Variants in PEDS1 observed in about 807,000 individuals in gnomAD.
PEDS1 encodes the protein plasmanylethanolamine desaturase 1, also known as CarF homolog.
PEDS1 carries 14 observed loss-of-function variants against 35.2 expected under a neutral mutation model. The ratio of observed to expected loss-of-function variants is 0.40; its 90% CI spans 0.26 to 0.62. PEDS1 has a LOEUF of 0.62. PEDS1 is among the 20% of genes least tolerant of loss of function. The pLI is 0.44. For synonymous variants in PEDS1, 152 were observed against 152.0 expected (o/e 1.00, Z 0.00); for missense variants, 260 against 367.8 (o/e 0.71, Z 2.40).
chr20:50,118,669 G>A lies in PEDS1; in HGVS notation c.*6389C>T, dbSNP rs2147257647. 1.3e-5 allele frequency: 2 copies of A among 151,940 alleles called. 1 individual carries two copies. The highest frequency in any genetic ancestry group is 4.2e-4 in the South Asian group (2 of 4,798). 9.4% of individuals were successfully genotyped at this position (151,940 alleles called of 1,614,324 possible). A position where few individuals can be genotyped will look rare whatever the true frequency, so the allele number is the denominator to read the frequency against. On this transcript the variant is annotated 3_prime_UTR_variant, in exon 6 of 6. Transcript: ENST00000371652. ...GAGTCTCGCTGTGTCGCCCAGGCTG[G>A]AGTTCAGTGGCGCGATCTCAGTTCA... is the stretch of plus-strand genomic sequence containing the variant.
At chr20:50,145,762 C>T (rs1241700836) in intron 1 of PEDS1, among the ~76,000 whole-genome samples, 1 of 152,104 alleles carries the variant, frequency 6.6e-6, no homozygotes, top group Admixed American at 6.5e-5. Context: ...AGGGTATGCC[C>T]CAGGCAGCTG....
chr20:50,125,314 C>A, intron 5 of PEDS1, 135 bp from the exon 6 acceptor site: 1 of 1,227,380 alleles, frequency 8.1e-7, no homozygotes, highest in Non-Finnish European at 1.1e-6. Flanking sequence ...AGGGACCGGC[C>A]AAGGAACTGG....
intron 1 of PEDS1, among the ~76,000 whole-genome samples, chr20:50,144,810 T>TA (rs559758433): frequency 1.8e-4 from 28 of 151,738 alleles, no homozygotes; most frequent in South Asian, 4.2e-4. Flanking sequence ...CCATTTATGT[T>TA]AAAAAAAAAT....
rs117631923 is a variant in PEDS1, at chr20:50,129,781, C to A, written c.334-91G>T. Reference sequence around the variant, plus strand: ...CTAAACACATTCACCCTGGGCTCACCTCCCGCCTTTGATCCTAAGTTTCCT... The same window carrying A: ...CTAAACACATTCACCCTGGGCTCACATCCCGCCTTTGATCCTAAGTTTCCT... On this transcript the variant is annotated intron_variant, in intron 3 of 5. Coordinates refer to ENST00000371652, the MANE Select transcript of PEDS1 (RefSeq NM_199129.4). This position sits in a 1 kb window ranked among gnomAD's most constrained non-coding sequence, Gnocchi z 4.2. 6 of 1,542,924 alleles carry A rather than the reference C, an allele frequency of 3.9e-6. No individual in the cohort carries two copies. The East Asian group carries it at 1.1e-4, about 29-fold the overall frequency.
intron 5 of PEDS1, among the ~76,000 whole-genome samples, 178 bp downstream of exon 5, chr20:50,127,797 C>A (rs1282152978): frequency 6.6e-6 from 1 of 152,208 alleles, no homozygotes; most frequent in Non-Finnish European, 1.5e-5. Flanking sequence ...ACTGTGTCCT[C>A]AGCACCTAGA....
At chr20:50,126,030 C>G (rs899729925) in intron 5 of PEDS1, among the ~76,000 whole-genome samples, 4 of 152,104 alleles carry the variant, frequency 2.6e-5, no homozygotes, top group African/African-American at 9.7e-5. Flanking sequence ...AGGCCACCCT[C>G]TTTCATTTCT....
chr20:50,125,523 C>T lies in PEDS1; in HGVS notation c.692-344G>A, dbSNP rs576998060. 9.9e-5 allele frequency among the ~76,000 whole-genome samples: 15 copies of T among 151,976 alleles called. No homozygotes were observed. The East Asian group carries it at 2.9e-3, about 29-fold the overall frequency. On this transcript the variant is annotated intron_variant, in intron 5 of 5. Coordinates refer to ENST00000371652, the MANE Select transcript of PEDS1 (RefSeq NM_199129.4). ...CCTGATCATCCACTTAAGCAGCACC[C>T]CAGGTTTCTCACATTACCCTTTATC...
intron 2 of PEDS1, among the ~76,000 whole-genome samples, chr20:50,135,084 C>T (rs2081219985): frequency 6.6e-6 from 1 of 152,140 alleles, no homozygotes; most frequent in Non-Finnish European, 1.5e-5. Context: ...ACTCAGGAGG[C>T]TGAGGCAGGA....
At chr20:50,147,037 C>T (rs1030859571) in intron 1 of PEDS1, among the ~76,000 whole-genome samples, 2 of 152,124 alleles carry the variant, frequency 1.3e-5, no homozygotes, top group African/African-American at 4.8e-5. Context: ...AACAAGTGAA[C>T]CTTCCCGATC....
At chr20:50,141,912 T>G (rs1180997542) in intron 2 of PEDS1, among the ~76,000 whole-genome samples, 1 of 152,160 alleles carries the variant, frequency 6.6e-6, no homozygotes, top group Non-Finnish European at 1.5e-5. Flanking sequence ...CTAGAACGCT[T>G]TTAATGAGAT....
At chr20:50,151,068 C>T in intron 1 of PEDS1, 1 of 373,114 alleles carries the variant, frequency 2.7e-6, no homozygotes, top group Non-Finnish European at 5.2e-6. Flanking sequence ...CATAGGTGTT[C>T]AATATGCACT....
chr20:50,151,388 G>T, intron 1 of PEDS1: 2 of 942,938 alleles, frequency 2.1e-6, no homozygotes, highest in Non-Finnish European at 1.5e-6. Context: ...CCCTGGGGAG[G>T]CTCAGAATGC....
intron 5 of PEDS1, among the ~76,000 whole-genome samples, chr20:50,126,167 T>C (rs2081101238): frequency 6.6e-6 from 1 of 152,254 alleles, no homozygotes; most frequent in African/African-American, 2.4e-5. Context: ...GTTCTTTCAC[T>C]GCTGATCCTC....
chr20:50,140,523 C>T (rs1350269542), intron 2 of PEDS1, among the ~76,000 whole-genome samples: 2 of 152,234 alleles, frequency 1.3e-5, no homozygotes, highest in Admixed American at 6.5e-5. Context: ...ACACGAGGCA[C>T]GTGCCAACCT....
At chr20:50,141,721 G>A (rs2081293415) in intron 2 of PEDS1, among the ~76,000 whole-genome samples, 1 of 152,224 alleles carries the variant, frequency 6.6e-6, no homozygotes, top group South Asian at 2.1e-4. Context: ...GGCTGGGGGT[G>A]CAGGTCTCTC....
intron 2 of PEDS1, among the ~76,000 whole-genome samples, chr20:50,141,015 A>G (rs1054393862): frequency 1.2e-4 from 18 of 152,122 alleles, no homozygotes; most frequent in African/African-American, 3.9e-4. Flanking sequence ...GGAAGATCAG[A>G]TCCCAACCAG....
intron 1 of PEDS1, among the ~76,000 whole-genome samples, chr20:50,152,565 G>C (rs939741071): frequency 6.6e-6 from 1 of 152,136 alleles, no homozygotes; most frequent in East Asian, 1.9e-4. Flanking sequence ...GGGTGTAGGG[G>C]GGGTGCTTGC....
chr20:50,132,839 C>T (rs1458668591), intron 2 of PEDS1, among the ~76,000 whole-genome samples: 2 of 152,192 alleles, frequency 1.3e-5, no homozygotes, highest in African/African-American at 4.8e-5. Context: ...CTAAGCCACA[C>T]TCCACAAAGG....
At chr20:50,127,402 T>C (rs976222541) in intron 5 of PEDS1, among the ~76,000 whole-genome samples, 2 of 141,130 alleles carry the variant, frequency 1.4e-5, no homozygotes, top group Non-Finnish European at 3.0e-5. Context: ...AGTGCAGTGG[T>C]GCGATTTCAG....
Sources: allele counts gnomAD v4.1 joint callset (sites outside exome capture counted in the v4.1 genomes callset), GRCh38; gene constraint gnomAD v4.1.1; non-coding constraint Gnocchi (gnomAD v3.1); transcripts MANE v1.5; gene names NCBI Gene and HGNC (gene_info 2026-07-23, HGNC 2026-07-21).